Variants in UVRAG observed in about 807,000 individuals in gnomAD.
The protein encoded by UVRAG is UV radiation resistance associated.
Under a neutral mutation model 78.0 loss-of-function variants are expected in UVRAG, and 19 were observed. The observed-to-expected ratio is 0.24, with a 90% confidence interval of 0.17 to 0.36. The LOEUF is 0.36. Ranked by LOEUF, UVRAG falls within the 10% of genes least tolerant of loss-of-function variation. UVRAG has a pLI of 1.00. For synonymous variants in UVRAG, 323 were observed against 324.6 expected, an observed-to-expected ratio of 1.00 and a Z score of 0.05; for missense variants, 740 against 853.8, an observed-to-expected ratio of 0.87 and a Z score of 1.66.
intron 6 of UVRAG, among the ~76,000 whole-genome samples, chr11:75,914,809 G>T (rs750456505): frequency 4.3e-4 from 66 of 151,846 alleles, no homozygotes; most frequent in Middle Eastern, 6.8e-3. Context: ...TCTGTTTTTT[G>T]AGAGTATATT....
At chr11:75,898,839 A>G (rs1032528973) in intron 5 of UVRAG, among the ~76,000 whole-genome samples, 1 of 152,196 alleles carries the variant, frequency 6.6e-6, no homozygotes, top group African/African-American at 2.4e-5. Flanking sequence ...TTAACTTTGT[A>G]GAACTGAGAA....
At chr11:76,010,405 G>T (rs896138920) in intron 11 of UVRAG, among the ~76,000 whole-genome samples, 3 of 152,188 alleles carry the variant, frequency 2.0e-5, no homozygotes, top group Non-Finnish European at 4.4e-5. Flanking sequence ...GAGAATGGAA[G>T]AAACTGCTTT....
At chr11:76,119,832 A>G (rs1191471758) in intron 14 of UVRAG, among the ~76,000 whole-genome samples, 2 of 152,200 alleles carry the variant, frequency 1.3e-5, no homozygotes, top group African/African-American at 4.8e-5. Context: ...AGCCAGGATG[A>G]TCTTTCTAAA....
intron 14 of UVRAG, among the ~76,000 whole-genome samples, chr11:76,136,440 G>A (rs1385855642): frequency 6.6e-6 from 1 of 151,496 alleles, no homozygotes; most frequent in African/African-American, 2.4e-5. Context: ...GGTTTTAATA[G>A]CATCCAACAG....
chr11:75,960,666 C>T (rs538029658), intron 6 of UVRAG, among the ~76,000 whole-genome samples: 66 of 152,134 alleles, frequency 4.3e-4, no homozygotes, highest in African/African-American at 1.6e-3. Flanking sequence ...ATTTGGGGGC[C>T]TGAGGTAGGA....
rs189342222 is a variant in UVRAG, at chr11:76,019,071, T to C, written c.1226+2091T>C. On this transcript the variant is annotated intron_variant, in intron 12 of 14. Transcript: ENST00000356136. ...TGACTGAGCATTTTCAAATAGCCTG[T>C]CTTCAAGACCACTAATTCTATCTTC... Among the ~76,000 whole-genome samples the C allele has an allele frequency of 4.6e-5, 7 of 152,358 alleles. No individual in the cohort carries two copies. In the East Asian group the frequency reaches 1.3e-3, roughly 29 times the overall value.
chr11:76,094,324 T>C (rs1715860448), intron 13 of UVRAG, among the ~76,000 whole-genome samples: 1 of 152,204 alleles, frequency 6.6e-6, no homozygotes. Context: ...ATTCTCTTTT[T>C]TTGTTGACTC....
At chr11:76,082,743 C>T (rs1309682336) in intron 13 of UVRAG, among the ~76,000 whole-genome samples, 5 of 151,950 alleles carry the variant, frequency 3.3e-5, no homozygotes, top group Admixed American at 2.6e-4. Flanking sequence ...AGAATATCTA[C>T]TTTGGGCCAG....
At chr11:76,086,615 G>A (rs1365371703) in intron 13 of UVRAG, among the ~76,000 whole-genome samples, 1 of 152,100 alleles carries the variant, frequency 6.6e-6, no homozygotes, top group African/African-American at 2.4e-5. Context: ...AAATTAAAGT[G>A]CCTCAAGAGT....
chr11:76,107,680 T>A (rs1257861326), intron 13 of UVRAG, among the ~76,000 whole-genome samples: 1 of 152,234 alleles, frequency 6.6e-6, no homozygotes, highest in Non-Finnish European at 1.5e-5. Flanking sequence ...AATGACTCAC[T>A]GTAAGAAACA....
intron 6 of UVRAG, among the ~76,000 whole-genome samples, chr11:75,920,151 A>G (rs1047534657): frequency 2.0e-5 from 3 of 149,006 alleles, no homozygotes; most frequent in African/African-American, 7.4e-5. Flanking sequence ...TCAGCCTCCC[A>G]AGTAGCTGGG....
At chr11:76,046,078 A>G (rs891413728) in intron 12 of UVRAG, among the ~76,000 whole-genome samples, 7 of 152,210 alleles carry the variant, frequency 4.6e-5, no homozygotes, top group African/African-American at 1.4e-4. Flanking sequence ...GGCAGCACTG[A>G]AAGTTAGAAA....
chr11:75,888,533 C>G (rs577689004), intron 4 of UVRAG, among the ~76,000 whole-genome samples: 148 of 152,276 alleles, frequency 9.7e-4, no homozygotes, highest in African/African-American at 3.4e-3. Flanking sequence ...TCTGAATACC[C>G]TATTGTTCAG....
chr11:75,823,973 C>T (rs2135807504), intron 1 of UVRAG, among the ~76,000 whole-genome samples: 1 of 152,200 alleles, frequency 6.6e-6, no homozygotes, highest in East Asian at 1.9e-4. Flanking sequence ...CTTGATTTTG[C>T]TGTATAGGAT....
chr11:75,924,598 C>T (rs1948052199), intron 6 of UVRAG, among the ~76,000 whole-genome samples: 3 of 152,034 alleles, frequency 2.0e-5, no homozygotes, highest in Admixed American at 2.0e-4. Flanking sequence ...CCGTGTTAGC[C>T]AGGATGGTCT....
At chr11:75,913,126 A>G (rs1052515599) in intron 6 of UVRAG, among the ~76,000 whole-genome samples, 1 of 152,198 alleles carries the variant, frequency 6.6e-6, no homozygotes, top group African/African-American at 2.4e-5. Context: ...AAAGTTCAGA[A>G]ATTATTTGAA....
At chr11:76,106,425 G>T (rs1046777579) in intron 13 of UVRAG, among the ~76,000 whole-genome samples, 25 of 152,018 alleles carry the variant, frequency 1.6e-4, no homozygotes, top group African/African-American at 6.0e-4. Flanking sequence ...GAGTGCAGTG[G>T]CGTGATCTCA....
intron 13 of UVRAG, among the ~76,000 whole-genome samples, chr11:76,095,061 A>C (rs1565158675): frequency 6.6e-6 from 1 of 152,192 alleles, no homozygotes; most frequent in East Asian, 1.9e-4. Flanking sequence ...GTTTTCAGTA[A>C]AGTGCCTTTG....
chr11:75,846,678 C>G (rs140861698), intron 1 of UVRAG, among the ~76,000 whole-genome samples: 250 of 152,104 alleles, frequency 1.6e-3, no homozygotes, highest in African/African-American at 5.9e-3. Context: ...GTGTTTGAGC[C>G]TTTATCAAAG....
Sources: allele counts gnomAD v4.1 joint callset (sites outside exome capture counted in the v4.1 genomes callset), GRCh38; gene constraint gnomAD v4.1.1; transcripts MANE v1.5; gene names NCBI Gene and HGNC (gene_info 2026-07-23, HGNC 2026-07-21).